Variants in URB2 observed in about 807,000 individuals in gnomAD.
The protein encoded by URB2 is URB2 ribosome biogenesis homolog, also known as unhealthy ribosome biogenesis protein 2 homolog.
URB2 carries 86 observed loss-of-function variants against 120.9 expected under a neutral mutation model. The ratio of observed to expected loss-of-function variants is 0.71; its 90% CI spans 0.60 to 0.85. The LOEUF (loss-of-function observed/expected upper bound fraction) is 0.85. Ranked by LOEUF, URB2 falls within the 40% of genes least tolerant of loss-of-function variation. The probability of loss-of-function intolerance (pLI) is 0.00; values close to 1 mark genes in which losing one functional copy is unlikely to be tolerated. For missense variants in URB2, 1,765 were observed against 1,836.5 expected, an observed-to-expected ratio of 0.96 and a Z score of 0.71; for synonymous variants, 755 against 758.4, an observed-to-expected ratio of 1.00 and a Z score of 0.07.
intron 6 of URB2, 30 bp from the exon 7 acceptor site, chr1:229,647,480 A>G: frequency 4.4e-6 from 7 of 1,599,634 alleles, no homozygotes; most frequent in Non-Finnish European, 6.0e-6. Flanking sequence ...AATTACTTTC[A>G]TTTTTCCTTT....
At chr1:229,646,996 C>T (rs780949124) in intron 6 of URB2, among the ~76,000 whole-genome samples, 1 of 152,208 alleles carries the variant, frequency 6.6e-6, no homozygotes, top group Admixed American at 6.5e-5. Context: ...GGGTCATCGT[C>T]ACCGAGCATG....
chr1:229,651,776 A>AG (rs1666279603), intron 8 of URB2, among the ~76,000 whole-genome samples: 1 of 152,228 alleles, frequency 6.6e-6, no homozygotes, highest in Non-Finnish European at 1.5e-5. Flanking sequence ...TTTGTTTACT[A>AG]GGGAAACACT....
intron 5 of URB2, among the ~76,000 whole-genome samples, chr1:229,645,178 G>A (rs577790500): frequency 1.6e-4 from 25 of 152,158 alleles, no homozygotes; most frequent in African/African-American, 6.0e-4. Flanking sequence ...CCAGCCACCT[G>A]GGAGGCTGAG....
intron 3 of URB2, 142 bp downstream of exon 3, chr1:229,632,587 TAAA>T: frequency 1.5e-6 from 1 of 655,126 alleles, no homozygotes; most frequent in Non-Finnish European, 2.3e-6. Flanking sequence ...TTATTGGAAT[TAAA>T]ATAGTAACTA....
At chr1:229,658,911 T>C (rs564640044) in intron 9 of URB2, among the ~76,000 whole-genome samples, 189 bp from the exon 10 acceptor site, 1 of 152,322 alleles carries the variant, frequency 6.6e-6, no homozygotes, top group Non-Finnish European at 1.5e-5. Context: ...ATACAAACTT[T>C]AAAAATATGA....
chr1:229,648,671 C>T (rs1666205806), intron 7 of URB2, among the ~76,000 whole-genome samples: 1 of 152,136 alleles, frequency 6.6e-6, no homozygotes, highest in Admixed American at 6.5e-5. Flanking sequence ...ATAATTTGAC[C>T]AGTGTCACTT....
At position 229,636,870 on chromosome 1, in the gene URB2, T is replaced by A; in HGVS notation, c.2257T>A (p.Tyr753Asn). 1 of 1,611,518 alleles carries A rather than the reference T, an allele frequency of 6.2e-7. No homozygotes were observed. Among genetic ancestry groups the A allele is most frequent in the Non-Finnish European group, 8.5e-7 (1 of 1,178,066 alleles). Residue 753 changes from tyrosine to asparagine, a missense_variant, in exon 4 of 10, where the codon TAT becomes AAT. Tyr to Asn is a moderately radical substitution (Grantham distance 143). Transcript: ENST00000258243. Reference protein sequence around the residue: ...IVSNLTILISYLCPDDVGYLA... With the variant: ...IVSNLTILISNLCPDDVGYLA... ...GTCAAATCTCACAATTTTAATATCC[T>A]ATCTGTGTCCAGATGATGTGGGATA...
intron 9 of URB2, among the ~76,000 whole-genome samples, chr1:229,658,115 T>A (rs935487373): frequency 6.6e-6 from 1 of 152,210 alleles, no homozygotes; most frequent in Non-Finnish European, 1.5e-5. Flanking sequence ...TACATTCTTA[T>A]ATTGTGCAGC....
intron 2 of URB2, among the ~76,000 whole-genome samples, chr1:229,628,810 C>T (rs916473009): frequency 7.2e-5 from 11 of 152,212 alleles, no homozygotes; most frequent in African/African-American, 2.4e-4. Context: ...TGGATTAATA[C>T]ACATCCAGTT....
intron 9 of URB2, among the ~76,000 whole-genome samples, chr1:229,657,512 A>G (rs1053672661): frequency 2.0e-5 from 3 of 152,174 alleles, no homozygotes; most frequent in Middle Eastern, 3.2e-3. Flanking sequence ...GGAATTATTT[A>G]TTTAGTAAGT....
intron 2 of URB2, among the ~76,000 whole-genome samples, chr1:229,628,191 A>ATATGTATATATATTATACATATACATAT (rs1665570564): frequency 1.2e-5 from 1 of 85,676 alleles, no homozygotes; most frequent in South Asian, 3.7e-4. Context: ...AATATATATA[A>ATATGTATATATATTATACATATACATAT]TATATATGTA....
At position 229,636,581 on chromosome 1, in the gene URB2, G is replaced by A. The variant is rs1203475250; in HGVS notation, c.1968G>A (p.Trp656Ter). Residue 656 changes from tryptophan to a stop codon, truncating the protein, a stop_gained, in exon 4 of 10, where the codon TGG becomes TGA. Transcript: ENST00000258243. LOFTEE classifies it high-confidence loss of function. Reference sequence around the variant, plus strand: ...TCCCAGGTGTAAAAACACAGCATTGGAAGAAGATAGAGAAGTTTACAGCTC... The same window carrying A: ...TCCCAGGTGTAAAAACACAGCATTGAAAGAAGATAGAGAAGTTTACAGCTC... The part of the protein sequence containing the change: ...SLLPGVKTQH[W>*]KKIEKFTAQF... The A allele has an allele frequency of 6.2e-7, 1 of 1,614,072 alleles. No homozygotes were observed. The highest frequency in any genetic ancestry group is 8.5e-7 in the Non-Finnish European group (1 of 1,180,016).
chr1:229,643,380 G>A (rs1374603178), intron 4 of URB2, among the ~76,000 whole-genome samples, 153 bp from the exon 5 acceptor site: 3 of 152,246 alleles, frequency 2.0e-5, no homozygotes, highest in Non-Finnish European at 4.4e-5. Context: ...GTAACTACGT[G>A]TACCTGCTTT....
At chr1:229,628,181 A>ATTATAC (rs371268510) in intron 2 of URB2, among the ~76,000 whole-genome samples, 3 of 70,738 alleles carry the variant, frequency 4.2e-5, no homozygotes, top group African/African-American at 1.4e-4. Context: ...ATATGTATAT[A>ATTATAC]ATATATATAA....
intron 9 of URB2, among the ~76,000 whole-genome samples, chr1:229,657,417 G>A (rs1165487284): frequency 3.3e-5 from 5 of 152,192 alleles, no homozygotes; most frequent in Non-Finnish European, 7.3e-5. Flanking sequence ...GGCTCAGACT[G>A]CCTAGGTTCA....
intron 5 of URB2, 96 bp from the exon 6 acceptor site, chr1:229,645,763 A>T (rs1287237398): frequency 1.0e-5 from 11 of 1,085,392 alleles, no homozygotes; most frequent in Non-Finnish European, 1.5e-5. Context: ...ATCCACTCCA[A>T]CGCCACAGCC....
chr1:229,631,160 A>T (rs1480144911), intron 2 of URB2, among the ~76,000 whole-genome samples: 1 of 152,004 alleles, frequency 6.6e-6, no homozygotes, highest in Non-Finnish European at 1.5e-5. Context: ...CTTTCCCTAA[A>T]CTTCATGAAC....
At position 229,634,983 on chromosome 1, in the gene URB2, C is replaced by A; in HGVS notation, c.370C>A (p.Arg124=). The change falls in exon 4 of 10, where the codon CGA becomes AGA. Residue 124 remains arginine, a synonymous_variant. Coordinates refer to ENST00000258243, the MANE Select transcript of URB2 (RefSeq NM_014777.4). ...CCAAAGAAACATCTGTGCTGTCCTT[C>A]GATGTTGCCAGGGCATCCTGTCGAC... The part of the protein sequence containing the change: ...GSQRNICAVL[R]CCQGILSTPA... The A allele has an allele frequency of 6.3e-7, 1 of 1,597,892 alleles. No homozygotes were observed. The highest frequency in any genetic ancestry group is 8.5e-7 in the Non-Finnish European group (1 of 1,170,340).
Position 229,647,704 on chromosome 1 carries a change from C to G in URB2, c.4101C>G (p.Phe1367Leu), listed in dbSNP as rs1369412158. ...HLKPLEYGSV[F>L]PRLHNVLFSI... ...AGCCGCTGGAGTATGGAAGCGTCTTCCCGAGGCTGCACAACGTGCTCTTCT... is the reference window on the plus strand; with the variant it reads ...AGCCGCTGGAGTATGGAAGCGTCTTGCCGAGGCTGCACAACGTGCTCTTCT... The change falls in exon 7 of 10, where the codon TTC becomes TTG. Residue 1367 changes from phenylalanine to leucine, a missense_variant. Physicochemically the swap from Phe to Leu is conservative, Grantham distance 22. Coordinates refer to ENST00000258243, the MANE Select transcript of URB2 (RefSeq NM_014777.4). 1.9e-6 allele frequency: 3 copies of G among 1,613,990 alleles called. No individual in the cohort carries two copies. Among genetic ancestry groups the G allele is most frequent in the Non-Finnish European group, 2.5e-6 (3 of 1,180,030 alleles).
Sources: allele counts gnomAD v4.1 joint callset (sites outside exome capture counted in the v4.1 genomes callset), GRCh38; gene constraint gnomAD v4.1.1; transcripts MANE v1.5; gene names NCBI Gene and HGNC (gene_info 2026-07-23, HGNC 2026-07-21).